XYLT2: variants seen among roughly 807,000 people sequenced by gnomAD.
The protein encoded by XYLT2 is UDP-D-xylose:proteoglycan core protein beta-D-xylosyltransferase.
In XYLT2, 37 loss-of-function variants were observed where a neutral mutation model predicts 82.6. The ratio of observed to expected loss-of-function variants is 0.45; its 90% CI spans 0.34 to 0.59. XYLT2 has a LOEUF of 0.59. XYLT2 is among the 20% of genes least tolerant of loss of function. The probability of loss-of-function intolerance (pLI) is 0.01; values close to 1 mark genes in which losing one functional copy is unlikely to be tolerated. For synonymous variants in XYLT2, 474 were observed against 499.0 expected (o/e 0.95, Z 0.67); for missense variants, 934 against 1,181.3 (o/e 0.79, Z 3.07).
intron 1 of XYLT2, among the ~76,000 whole-genome samples, chr17:50,347,333 C>G (rs1372825073): frequency 6.6e-6 from 1 of 152,220 alleles, no homozygotes; most frequent in Non-Finnish European, 1.5e-5. Context: ...TACCGCATCT[C>G]GCCAGTCTGG....
At chr17:50,354,369 C>A in intron 2 of XYLT2, 39 bp from the exon 3 acceptor site, 1 of 1,566,864 alleles carries the variant, frequency 6.4e-7, no homozygotes. Context: ...ACCCTGTGAC[C>A]TAGGGTGGGC....
intron 4 of XYLT2, 64 bp from the exon 5 acceptor site, chr17:50,355,437 C>T (rs188458108): frequency 2.6e-5 from 41 of 1,552,396 alleles, no homozygotes; most frequent in Middle Eastern, 1.7e-4. Flanking sequence ...CCAGAAGGTC[C>T]GCTCTGGGCC....
chr17:50,360,574 T>TTTC lies in XYLT2; in HGVS notation c.*285_*286insCTT, dbSNP rs1567809545. ...CTAGTTTGAATTTCTTTTTTTTCTT[T>TTTC]TTTTTTTTTTTTTTTTAATTTAAAA... On this transcript the variant is annotated 3_prime_UTR_variant, in exon 11 of 11. Transcript: ENST00000017003. 3.1e-5 allele frequency: 33 copies of TTTC among 1,069,530 alleles called. No individual in the cohort carries two copies. The highest frequency in any genetic ancestry group is 4.0e-4 in the Middle Eastern group (1 of 2,474). The allele number at this position is 1,069,530 out of a possible 1,614,324, so 66.3% of individuals were successfully genotyped here. A position where few individuals can be genotyped will look rare whatever the true frequency, so the allele number is the denominator to read the frequency against.
rs745835858 is a variant in XYLT2, at chr17:50,356,040, TG to T, written c.1306-42del. On this transcript the variant is annotated intron_variant, in intron 6 of 10. Transcript: ENST00000017003. The stretch of plus-strand genomic sequence containing the variant: ...CATGAAGGCCAGGGAGGGCGTGGGT[TG>T]GGCTGCCTGCAGCTCACCTTCCACT... 13 of 1,614,088 alleles carry T rather than the reference TG, an allele frequency of 8.1e-6. No individual in the cohort carries two copies. The African/African-American group carries it at 1.2e-4, about 15-fold the overall frequency.
chr17:50,356,738 C>T lies in XYLT2; in HGVS notation c.1710C>T (p.Ala570=), dbSNP rs1267566746. The change falls in exon 8 of 11, where the codon GCC becomes GCT. Residue 570 remains alanine, a synonymous_variant. Coordinates refer to ENST00000017003, the MANE Select transcript of XYLT2 (RefSeq NM_022167.4). The part of the protein sequence containing the change: ...AFARLSLHHA[A]TAAPPMGTPL... ...CCCGCCTCAGCCTGCACCATGCCGC[C>T]ACTGCTGCACCCCCAATGGGCACCC... 13 of 1,606,594 alleles carry T rather than the reference C, an allele frequency of 8.1e-6. No homozygotes were observed. Among genetic ancestry groups the T allele is most frequent in the Non-Finnish European group, 1.1e-5 (13 of 1,179,888 alleles).
chr17:50,354,545 T>C lies in XYLT2; in HGVS notation c.766T>C (p.Tyr256His), dbSNP rs1912425254. The C allele has an allele frequency of 6.2e-7, 1 of 1,612,470 alleles. No individual in the cohort carries two copies. The change falls in exon 3 of 11, where the codon TAT becomes CAT. Residue 256 changes from tyrosine to histidine, a missense_variant. This residue lies in a region of XYLT2 where 371 missense variants were observed against 394.9 expected (regional missense o/e 0.94). Coordinates refer to ENST00000017003, the MANE Select transcript of XYLT2 (RefSeq NM_022167.4). The part of the protein sequence containing the change: ...RQLKRLLKAV[Y>H]HEQHFFYIHV... ...GCTGAAGCGTCTCCTCAAGGCCGTT[T>C]ATCACGAGCAGCACTTCTTTTACAT...
At position 50,360,766 on chromosome 17, in the gene XYLT2, C is replaced by T; in HGVS notation, c.*475C>T. On this transcript the variant is annotated 3_prime_UTR_variant, in exon 11 of 11. Coordinates refer to ENST00000017003, the MANE Select transcript of XYLT2 (RefSeq NM_022167.4). ...CCTCACTCTCCAGGGCCTCATGCCC[C>T]ATTCTGGGCCTGTGGTGCTCGTGGC... 1.0e-6 allele frequency: 1 copy of T among 985,108 alleles called. No homozygotes were observed. Among genetic ancestry groups the T allele is most frequent in the Non-Finnish European group, 1.2e-6 (1 of 829,062 alleles). The allele number at this position is 985,108 out of a possible 1,614,324, so 61.0% of individuals were successfully genotyped here.
At chr17:50,355,079 C>T (rs1448265368) in intron 4 of XYLT2, 23 bp downstream of exon 4, 1 of 1,521,774 alleles carries the variant, frequency 6.6e-7, no homozygotes. Context: ...GGCTCTGAGT[C>T]CTCTGCATGG....
At chr17:50,348,851 T>C (rs1223964541) in intron 1 of XYLT2, among the ~76,000 whole-genome samples, 2 of 152,210 alleles carry the variant, frequency 1.3e-5, no homozygotes, top group Non-Finnish European at 2.9e-5. Context: ...GACCATTCCC[T>C]ACCCTCAGTC....
rs546156861 is a variant in XYLT2, at chr17:50,354,472, G to A, written c.693G>A (p.Pro231=). The change falls in exon 3 of 11, where the codon CCG becomes CCA. Residue 231 remains proline (P), a synonymous_variant. Coordinates refer to ENST00000017003, the MANE Select transcript of XYLT2 (RefSeq NM_022167.4). ...CCCAGCAGCCCATGGATGGCCCCCC[G>A]GTGCGAATCGCCTACATGCTGGTGG... ...SQAQQPMDGP[P]VRIAYMLVVH... 8.1e-5 allele frequency: 131 copies of A among 1,612,466 alleles called. No homozygotes were observed. Among genetic ancestry groups the A allele is most frequent in the Non-Finnish European group, 1.0e-4 (121 of 1,179,902 alleles).
chr17:50,354,171 G>A (rs1246471486), intron 2 of XYLT2, 49 bp downstream of exon 2: 20 of 1,596,166 alleles, frequency 1.3e-5, no homozygotes, highest in African/African-American at 2.7e-5. Context: ...GCAGGGGGGT[G>A]GCATGGCCCG....
In XYLT2 at chr17:50,360,526, C is replaced by A; in HGVS notation, c.*235C>A. Reference sequence around the variant, plus strand: ...GAAGGGCACCAGCAGCATTCCACACCCAGCTCTTCCTCACCTTCCTGTCTA... The same window carrying A: ...GAAGGGCACCAGCAGCATTCCACACACAGCTCTTCCTCACCTTCCTGTCTA... On this transcript the variant is annotated 3_prime_UTR_variant, in exon 11 of 11. Transcript: ENST00000017003. 1.6e-6 allele frequency: 2 copies of A among 1,254,756 alleles called. No homozygotes were observed. The highest frequency in any genetic ancestry group is 2.0e-6 in the Non-Finnish European group (2 of 1,001,998). 77.7% of individuals were successfully genotyped at this position (1,254,756 alleles called of 1,614,324 possible). A position where few individuals can be genotyped will look rare whatever the true frequency, so the allele number is the denominator to read the frequency against.
chr17:50,346,708 C>G lies in XYLT2; in HGVS notation c.135+433C>G, dbSNP rs1014505944. 1.0e-6 allele frequency: 1 copy of G among 985,226 alleles called. No individual in the cohort carries two copies. Among genetic ancestry groups the G allele is most frequent in the Admixed American group, 6.1e-5 (1 of 16,266 alleles). The allele number at this position is 985,226 out of a possible 1,614,324, so 61.0% of individuals were successfully genotyped here. A position where few individuals can be genotyped will look rare whatever the true frequency, so the allele number is the denominator to read the frequency against. ...TGGGCGGAGGAGTAGGGCCAAGGGACTCAGGGCGTCCTTCCCCAGCTGAGC... is the reference window on the plus strand; with the variant it reads ...TGGGCGGAGGAGTAGGGCCAAGGGAGTCAGGGCGTCCTTCCCCAGCTGAGC... On this transcript the variant is annotated intron_variant, in intron 1 of 10. Coordinates refer to ENST00000017003, the MANE Select transcript of XYLT2 (RefSeq NM_022167.4). This position sits in a 1 kb window ranked among gnomAD's most constrained non-coding sequence, Gnocchi z 5.1.
rs76588845 is a variant in XYLT2, at chr17:50,354,859, C to G, written c.810C>G (p.Ser270=). The G allele has an allele frequency of 6.2e-7, 1 of 1,613,288 alleles. No homozygotes were observed. The highest frequency in any genetic ancestry group is 1.3e-5 in the African/African-American group (1 of 74,940). Residue 270 remains serine (S), a synonymous_variant, in exon 4 of 11, where the codon TCC becomes TCG. Transcript: ENST00000017003. The part of the protein sequence containing the change: ...HFFYIHVDKR[S]DYLHREVVEL... ...GAGTGTCTCCTCCCCACCAGCGTTCCGACTACCTGCACCGGGAGGTGGTGG... is the reference window on the plus strand; with the variant it reads ...GAGTGTCTCCTCCCCACCAGCGTTCGGACTACCTGCACCGGGAGGTGGTGG...
intron 5 of XYLT2, 52 bp downstream of exon 5, chr17:50,355,633 C>A: frequency 6.2e-7 from 1 of 1,605,476 alleles, no homozygotes; most frequent in Non-Finnish European, 8.5e-7. Context: ...CCCAACCCCT[C>A]CCACACAGTT....
chr17:50,354,192 C>T (rs1485888687), intron 2 of XYLT2, 70 bp downstream of exon 2: 49 of 1,588,660 alleles, frequency 3.1e-5, no homozygotes, highest in Non-Finnish European at 4.2e-5. Context: ...GATCCTCACC[C>T]CTATCTCTCT....
At chr17:50,351,413 G>A (rs1269649220) in intron 1 of XYLT2, among the ~76,000 whole-genome samples, 2 of 152,166 alleles carry the variant, frequency 1.3e-5, no homozygotes. Context: ...AGGGCAGGTG[G>A]ATCACGAGGT....
At chr17:50,350,829 C>T (rs1912237157) in intron 1 of XYLT2, among the ~76,000 whole-genome samples, 1 of 151,954 alleles carries the variant, frequency 6.6e-6, no homozygotes, top group Non-Finnish European at 1.5e-5. Context: ...GCCATCTGAA[C>T]AAAGAATTGA....
chr17:50,359,186 C>T (rs117521762), intron 10 of XYLT2: 2,040 of 152,868 alleles, frequency 0.013, 126 homozygotes, highest in Admixed American at 0.099. Flanking sequence ...GCCAGGTGGG[C>T]AGGGTCATGT....
Sources: allele counts gnomAD v4.1 joint callset (sites outside exome capture counted in the v4.1 genomes callset), GRCh38; gene constraint gnomAD v4.1.1; regional missense constraint gnomAD v4.1.1; non-coding constraint Gnocchi (gnomAD v3.1); transcripts MANE v1.5; gene names NCBI Gene and HGNC (gene_info 2026-07-23, HGNC 2026-07-21).